The following DNAAF4 variants were observed in gnomAD, a reference collection of about 807,000 sequenced individuals.
DNAAF4 encodes dynein assembly factor 4, axonemal.
In DNAAF4, 43 loss-of-function variants were observed where a neutral mutation model predicts 51.8. The ratio of observed to expected loss-of-function variants is 0.83; its 90% CI spans 0.65 to 1.07. DNAAF4 has a LOEUF of 1.07. Ranked by LOEUF, DNAAF4 falls within the 50% of genes least tolerant of loss-of-function variation. The pLI, the probability that DNAAF4 is intolerant of heterozygous loss-of-function variation, is 0.00. For missense variants in DNAAF4, 581 were observed against 493.0 expected (o/e 1.18, Z -1.69); for synonymous variants, 194 against 165.6 (o/e 1.17, Z -1.32).
chr15:55,442,851 T>A (rs1053629914), intron 6 of DNAAF4: 1 of 1,612,692 alleles, frequency 6.2e-7, no homozygotes, highest in African/African-American at 1.3e-5. Flanking sequence ...CAGCCATCAT[T>A]GCACACATAC....
At chr15:55,499,391 G>A (rs1166124979) in intron 1 of DNAAF4, among the ~76,000 whole-genome samples, 2 of 152,064 alleles carry the variant, frequency 1.3e-5, no homozygotes, top group African/African-American at 4.8e-5. Context: ...TTGTATAAAC[G>A]AACCTGACTG....
chr15:55,479,828 T>C (rs191413665), intron 4 of DNAAF4, among the ~76,000 whole-genome samples: 1 of 152,272 alleles, frequency 6.6e-6, no homozygotes, highest in East Asian at 1.9e-4. Context: ...CCCTCAGGCT[T>C]ACTAGGGTGG....
At position 55,473,198 on chromosome 15, in the gene DNAAF4, A is replaced by ATATATAT. The variant is rs1555418729; in HGVS notation, c.406-6038_406-6037insATATATA. 1.7e-4 allele frequency among the ~76,000 whole-genome samples: 13 copies of ATATATAT among 75,750 alleles called. 1 individual carries two copies. Among genetic ancestry groups the ATATATAT allele is most frequent in the South Asian group, 4.9e-4 (1 of 2,054 alleles). The allele number at this position is 75,750 out of a possible 152,430, so 49.7% of individuals were successfully genotyped here. A position where few individuals can be genotyped will look rare whatever the true frequency, so the allele number is the denominator to read the frequency against. ...ACAAAAAAAAAACCTAAAAAAAAAA[A>ATATATAT]ATATATATATATATATATATATATG... On this transcript the variant is annotated intron_variant, in intron 4 of 9. Transcript: ENST00000321149.
At chr15:55,494,353 T>C (rs573932516) in intron 3 of DNAAF4, among the ~76,000 whole-genome samples, 4 of 152,098 alleles carry the variant, frequency 2.6e-5, no homozygotes, top group African/African-American at 9.6e-5. Context: ...TCTAAAGGAA[T>C]CTCAAACCTG....
At position 55,466,251 on chromosome 15, in the gene DNAAF4, C is replaced by T. The variant is rs1400884647; in HGVS notation, c.637+679G>A. Reference sequence around the variant, plus strand: ...CAGCCTGGGCAACATGGCAAAACCTCGTCTCTACAAAAAATACAAAAAAGC... The same window carrying T: ...CAGCCTGGGCAACATGGCAAAACCTTGTCTCTACAAAAAATACAAAAAAGC... On this transcript the variant is annotated intron_variant, in intron 5 of 9. Transcript: ENST00000321149. Among the ~76,000 whole-genome samples, 4 of 152,000 alleles carry T rather than the reference C, an allele frequency of 2.6e-5. No individual in the cohort carries two copies. The East Asian group carries it at 5.8e-4, about 22-fold the overall frequency.
chr15:55,465,642 C>T (rs552004018), intron 5 of DNAAF4, among the ~76,000 whole-genome samples: 2 of 150,978 alleles, frequency 1.3e-5, no homozygotes, highest in Non-Finnish European at 2.9e-5. Context: ...TCTCGGTTCA[C>T]CATAACCTCC....
chr15:55,439,598 G>C lies in DNAAF4; in HGVS notation c.784-17C>G. ...GTGTAGCCACTAGAATGAGAAAGAAGTCTTATGAAGAATAAAAAGGTCTTT... is the reference window on the plus strand; with the variant it reads ...GTGTAGCCACTAGAATGAGAAAGAACTCTTATGAAGAATAAAAAGGTCTTT... On this transcript the variant is annotated splice_polypyrimidine_tract_variant and intron_variant, in intron 6 of 9. Coordinates refer to ENST00000321149, the MANE Select transcript of DNAAF4 (RefSeq NM_130810.4). 1 of 1,595,550 alleles carries C rather than the reference G, an allele frequency of 6.3e-7. No individual in the cohort carries two copies. Among genetic ancestry groups the C allele is most frequent in the Non-Finnish European group, 8.5e-7 (1 of 1,170,790 alleles).
At chr15:55,450,136 T>C in intron 6 of DNAAF4, 86 bp downstream of exon 6, 1 of 1,388,816 alleles carries the variant, frequency 7.2e-7, no homozygotes, top group Non-Finnish European at 9.6e-7. Flanking sequence ...ACTTAAGAAA[T>C]TCAGAACCAG....
At chr15:55,469,036 C>CA (rs1365274196) in intron 4 of DNAAF4, among the ~76,000 whole-genome samples, 1 of 152,006 alleles carries the variant, frequency 6.6e-6, no homozygotes, top group African/African-American at 2.4e-5. Flanking sequence ...CAAAGAAAAA[C>CA]AGAGTGTACA....
rs1437233942 is a variant in DNAAF4, at chr15:55,430,452, G to A, written c.*218C>T. On this transcript the variant is annotated 3_prime_UTR_variant, in exon 10 of 10. Coordinates refer to ENST00000321149, the MANE Select transcript of DNAAF4 (RefSeq NM_130810.4). ...AAGTATACATATGTATTAATATGAA[G>A]AAATAAGGAATTAAAATAGATTCTT... The A allele has an allele frequency of 2.9e-6, 3 of 1,045,738 alleles. No homozygotes were observed. The highest frequency in any genetic ancestry group is 3.2e-5 in the South Asian group (1 of 31,610). 64.8% of individuals were successfully genotyped at this position (1,045,738 alleles called of 1,614,324 possible). A position where few individuals can be genotyped will look rare whatever the true frequency, so the allele number is the denominator to read the frequency against.
chr15:55,470,001 A>G (rs1425716261), intron 4 of DNAAF4, among the ~76,000 whole-genome samples: 4 of 151,118 alleles, frequency 2.6e-5, no homozygotes, highest in Admixed American at 1.3e-4. Context: ...AGGTTTGACC[A>G]TTTGCTTCAA....
intron 7 of DNAAF4, among the ~76,000 whole-genome samples, chr15:55,419,608 G>T (rs1005287111): frequency 1.3e-5 from 2 of 152,142 alleles, no homozygotes; most frequent in African/African-American, 4.8e-5. Flanking sequence ...GTAATTTATT[G>T]ATAGATTGAG....
In DNAAF4 at chr15:55,484,105, T is replaced by G. The variant is rs149686657; in HGVS notation, c.405+7018A>C. Among the ~76,000 whole-genome samples the G allele has an allele frequency of 1.6e-3, 249 of 151,950 alleles. 2 individuals carry two copies. The highest frequency in any genetic ancestry group is 5.8e-3 in the African/African-American group (239 of 41,466). On this transcript the variant is annotated intron_variant, in intron 4 of 9. Coordinates refer to ENST00000321149, the MANE Select transcript of DNAAF4 (RefSeq NM_130810.4). The stretch of plus-strand genomic sequence containing the variant: ...CCAAAATAACAAGTGTTAGTGAGAA[T>G]GGGAGAAACCGGAATCCTTGCACAC...
intron 7 of DNAAF4, among the ~76,000 whole-genome samples, chr15:55,419,984 C>G (rs2057374852): frequency 6.6e-6 from 1 of 151,690 alleles, no homozygotes. Flanking sequence ...ACCTGGGCAA[C>G]AAGAGCAAAA....
chr15:55,443,002 C>G, intron 6 of DNAAF4: 1 of 1,611,538 alleles, frequency 6.2e-7, no homozygotes. Context: ...AAAGCCCAGG[C>G]CATCATCAAA....
At chr15:55,441,663 G>A (rs2057716645) in intron 6 of DNAAF4, among the ~76,000 whole-genome samples, 1 of 151,796 alleles carries the variant, frequency 6.6e-6, no homozygotes, top group Admixed American at 6.6e-5. Flanking sequence ...AACATGTGGT[G>A]TTTGGTTTTT....
chr15:55,432,406 G>T, intron 9 of DNAAF4, 91 bp downstream of exon 9: 1 of 873,252 alleles, frequency 1.1e-6, no homozygotes, highest in Non-Finnish European at 1.7e-6. Context: ...TTTAAAAATG[G>T]AGTCCTTAAA....
chr15:55,488,830 T>C (rs1169512041), intron 4 of DNAAF4, among the ~76,000 whole-genome samples: 1 of 152,212 alleles, frequency 6.6e-6, no homozygotes, highest in Non-Finnish European at 1.5e-5. Context: ...AGCTCACACC[T>C]GTAATCCCAG....
At chr15:55,443,660 C>G (rs1181377561) in intron 6 of DNAAF4, among the ~76,000 whole-genome samples, 1 of 152,212 alleles carries the variant, frequency 6.6e-6, no homozygotes, top group Non-Finnish European at 1.5e-5. Context: ...TACAGTCCCA[C>G]CAACAGTGTA....
Sources: allele counts gnomAD v4.1 joint callset (sites outside exome capture counted in the v4.1 genomes callset), GRCh38; gene constraint gnomAD v4.1.1; transcripts MANE v1.5; gene names NCBI Gene and HGNC (gene_info 2026-07-23, HGNC 2026-07-21).